ST6GAL1: variants seen among roughly 807,000 people sequenced by gnomAD.
ST6GAL1 encodes the protein ST6 beta-galactoside alpha-2,6-sialyltransferase 1.
In ST6GAL1, 20 loss-of-function variants were observed where a neutral mutation model predicts 38.0. The observed-to-expected ratio is 0.53, with a 90% CI of 0.37 to 0.77. The LOEUF (loss-of-function observed/expected upper bound fraction) is 0.77. Ranked by LOEUF, ST6GAL1 falls within the 30% of genes least tolerant of loss-of-function variation. The pLI is 0.00. For synonymous variants in ST6GAL1, 196 were observed against 188.2 expected (o/e 1.04, Z -0.34); for missense variants, 432 against 496.4 (o/e 0.87, Z 1.23).
chr3:186,945,830 A>G (rs969754835), intron 1 of ST6GAL1, among the ~76,000 whole-genome samples: 4 of 151,134 alleles, frequency 2.6e-5, no homozygotes, highest in Admixed American at 2.0e-4. Flanking sequence ...ACCAAAAAAA[A>G]ATACAAAAAA....
chr3:187,014,341 G>A (rs1463843220), intron 2 of ST6GAL1, among the ~76,000 whole-genome samples: 1 of 152,216 alleles, frequency 6.6e-6, no homozygotes, highest in African/African-American at 2.4e-5. Context: ...AGGGTCTTTT[G>A]CCTTCTCAGT....
chr3:187,029,415 A>G (rs1038964679), intron 2 of ST6GAL1, among the ~76,000 whole-genome samples: 1 of 152,178 alleles, frequency 6.6e-6, no homozygotes, highest in Non-Finnish European at 1.5e-5. Context: ...CAGTTCATCT[A>G]TAGTAATGAG....
intron 5 of ST6GAL1, among the ~76,000 whole-genome samples, chr3:187,065,784 A>G (rs1579377903): frequency 6.6e-6 from 1 of 152,226 alleles, no homozygotes; most frequent in Admixed American, 6.5e-5. Flanking sequence ...ATCTTGAAAT[A>G]ATAGTTGATG....
intron 2 of ST6GAL1, among the ~76,000 whole-genome samples, chr3:187,036,371 C>G (rs1717931224): frequency 6.6e-6 from 1 of 152,210 alleles, no homozygotes; most frequent in Non-Finnish European, 1.5e-5. Context: ...AACAGAACTA[C>G]TATTCAACTC....
At chr3:187,002,630 C>A (rs1297601065) in intron 2 of ST6GAL1, among the ~76,000 whole-genome samples, 1 of 152,184 alleles carries the variant, frequency 6.6e-6, no homozygotes, top group Admixed American at 6.5e-5. Context: ...TGCCAATTAC[C>A]TTTGCTTAGG....
At position 186,932,947 on chromosome 3, in the gene ST6GAL1, C is replaced by T. The variant is rs528836564; in HGVS notation, c.-325+2113C>T. ...TAGAGTTTCCAGCGTGTTTCACTTTCAATGTGATTCTGGTAGCAACAGGAG... is the reference window on the plus strand; with the variant it reads ...TAGAGTTTCCAGCGTGTTTCACTTTTAATGTGATTCTGGTAGCAACAGGAG... On this transcript the variant is annotated intron_variant, in intron 1 of 7. Transcript: ENST00000169298. 2.2e-4 allele frequency among the ~76,000 whole-genome samples: 34 copies of T among 152,306 alleles called. No individual in the cohort carries two copies. The South Asian group carries it at 6.8e-3, about 31-fold the overall frequency.
At chr3:187,071,750 T>C (rs1417361959) in intron 5 of ST6GAL1, among the ~76,000 whole-genome samples, 1 of 133,056 alleles carries the variant, frequency 7.5e-6, no homozygotes, top group East Asian at 2.4e-4. Context: ...ACACAGGCTG[T>C]GTCGCCTTTT....
intron 5 of ST6GAL1, among the ~76,000 whole-genome samples, chr3:187,071,784 A>AAAAAAG (rs1241624863): frequency 1.3e-5 from 2 of 148,312 alleles, no homozygotes; most frequent in East Asian, 4.0e-4. Flanking sequence ...CTCAAAAAAA[A>AAAAAAG]AAAAAAAAAA....
chr3:187,051,197 C>A, intron 4 of ST6GAL1, 52 bp from the exon 5 acceptor site: 12 of 1,416,934 alleles, frequency 8.5e-6, no homozygotes, highest in Middle Eastern at 1.8e-4. Context: ...TTCTCTTTTT[C>A]TGCATATTGC....
At chr3:187,060,004 G>T (rs990891700) in intron 5 of ST6GAL1, among the ~76,000 whole-genome samples, 1 of 152,162 alleles carries the variant, frequency 6.6e-6, no homozygotes, top group Non-Finnish European at 1.5e-5. Flanking sequence ...GGTGGGATAA[G>T]AGCTTTTCAG....
intron 1 of ST6GAL1, among the ~76,000 whole-genome samples, chr3:186,960,360 T>C (rs183125928): frequency 3.9e-5 from 6 of 152,022 alleles, no homozygotes; most frequent in Non-Finnish European, 7.4e-5. Flanking sequence ...CCCCAAGAGA[T>C]AAAACAGAGA....
intron 2 of ST6GAL1, among the ~76,000 whole-genome samples, chr3:187,020,691 A>G (rs902726653): frequency 1.3e-5 from 2 of 152,244 alleles, no homozygotes; most frequent in Non-Finnish European, 2.9e-5. Context: ...GTTAACAGAA[A>G]AACCAAATTC....
intron 2 of ST6GAL1, among the ~76,000 whole-genome samples, chr3:186,979,828 G>C (rs181964951): frequency 1.3e-5 from 2 of 152,084 alleles, no homozygotes; most frequent in South Asian, 2.1e-4. Context: ...TCCTGGTCTC[G>C]GGCACTTTAA....
At chr3:186,960,243 T>A (rs997388972) in intron 1 of ST6GAL1, among the ~76,000 whole-genome samples, 2 of 152,136 alleles carry the variant, frequency 1.3e-5, no homozygotes, top group Non-Finnish European at 2.9e-5. Context: ...CTTAGAATCA[T>A]CTTCTGTGTC....
intron 2 of ST6GAL1, among the ~76,000 whole-genome samples, chr3:186,984,943 C>T (rs557461542): frequency 6.6e-6 from 1 of 151,554 alleles, no homozygotes; most frequent in East Asian, 2.0e-4. Context: ...GGGTCTCGCT[C>T]TGTCACCCAG....
At chr3:187,027,072 A>AT (rs1171539099) in intron 2 of ST6GAL1, among the ~76,000 whole-genome samples, 1 of 151,926 alleles carries the variant, frequency 6.6e-6, no homozygotes, top group African/African-American at 2.4e-5. Context: ...AAATAAATAA[A>AT]AAATAAAAAA....
At chr3:187,066,354 C>T (rs577573140) in intron 5 of ST6GAL1, among the ~76,000 whole-genome samples, 73 of 152,144 alleles carry the variant, frequency 4.8e-4, no homozygotes, top group Non-Finnish European at 8.7e-4. Flanking sequence ...GAGAGCTCTG[C>T]GGGTCTCTTC....
At chr3:186,961,842 G>A (rs1714945717) in intron 1 of ST6GAL1, among the ~76,000 whole-genome samples, 1 of 152,166 alleles carries the variant, frequency 6.6e-6, no homozygotes, top group South Asian at 2.1e-4. Context: ...CTTCCTTCCT[G>A]TTAAGGAGGC....
chr3:186,931,838 G>A (rs145595974), intron 1 of ST6GAL1, among the ~76,000 whole-genome samples: 177 of 152,348 alleles, frequency 1.2e-3, no homozygotes, highest in Admixed American at 3.5e-3. Context: ...AGCTGGGGAC[G>A]TACAATTTTC....
Sources: allele counts gnomAD v4.1 joint callset (sites outside exome capture counted in the v4.1 genomes callset), GRCh38; gene constraint gnomAD v4.1.1; transcripts MANE v1.5; gene names NCBI Gene and HGNC (gene_info 2026-07-23, HGNC 2026-07-21).